The following TRPC6 variants were observed in gnomAD, a reference collection of about 807,000 sequenced individuals.
TRPC6 encodes transient receptor potential cation channel subfamily C member 6.
In TRPC6, 55 loss-of-function variants were observed where a neutral mutation model predicts 90.7. That is an observed-to-expected ratio of 0.61 (90% CI 0.49 to 0.76). The LOEUF (loss-of-function observed/expected upper bound fraction) is 0.76. TRPC6 is among the 30% of genes least tolerant of loss of function. The probability of loss-of-function intolerance (pLI) is 0.00; values close to 1 mark genes in which losing one functional copy is unlikely to be tolerated. For synonymous variants in TRPC6, 393 were observed against 393.0 expected, an observed-to-expected ratio of 1.00 and a Z score of 0.00; for missense variants, 989 against 1,122.7, an observed-to-expected ratio of 0.88 and a Z score of 1.70.
chr11:101,539,646 A>C (rs572496143), intron 1 of TRPC6, among the ~76,000 whole-genome samples: 24 of 152,346 alleles, frequency 1.6e-4, no homozygotes, highest in Middle Eastern at 3.4e-3. Flanking sequence ...TGCTTCTTTT[A>C]CCATCATCAG....
intron 1 of TRPC6, among the ~76,000 whole-genome samples, chr11:101,554,115 A>G (rs948377417): frequency 1.3e-5 from 2 of 152,154 alleles, no homozygotes; most frequent in African/African-American, 4.8e-5. Context: ...GTCAGATGCA[A>G]AATGGTTCTA....
At chr11:101,471,483 T>TAAAC in intron 8 of TRPC6, 97 bp from the exon 9 acceptor site, 1 of 1,278,556 alleles carries the variant, frequency 7.8e-7, no homozygotes, top group Non-Finnish European at 1.1e-6. Flanking sequence ...ACAATGCCTA[T>TAAAC]AAACACTCTC....
intron 10 of TRPC6, chr11:101,455,310 G>A (rs1858858697): frequency 7.8e-6 from 4 of 509,600 alleles, no homozygotes; most frequent in Non-Finnish European, 1.4e-5. Context: ...TTTGTTAGAG[G>A]TTGTCTGAGG....
chr11:101,551,278 T>G (rs1184202190), intron 1 of TRPC6, among the ~76,000 whole-genome samples: 1 of 152,026 alleles, frequency 6.6e-6, no homozygotes, highest in Non-Finnish European at 1.5e-5. Context: ...AAATGAATAT[T>G]ATGAACTGGC....
In TRPC6 at chr11:101,476,663, G is replaced by A. The variant is rs548613446; in HGVS notation, c.1511-129C>T. ...CTTCAAAATTTGGTCCCAACCTGCC[G>A]TCCCACCATAATTCCCATATCCTCA... On this transcript the variant is annotated intron_variant, in intron 5 of 12. Coordinates refer to ENST00000344327, the MANE Select transcript of TRPC6 (RefSeq NM_004621.6). 5.4e-5 allele frequency: 42 copies of A among 772,848 alleles called. No homozygotes were observed. The Middle Eastern group carries it at 6.7e-4, about 12-fold the overall frequency. 47.9% of individuals were successfully genotyped at this position (772,848 alleles called of 1,614,324 possible). A position where few individuals can be genotyped will look rare whatever the true frequency, so the allele number is the denominator to read the frequency against.
intron 1 of TRPC6, among the ~76,000 whole-genome samples, chr11:101,578,897 T>C (rs747208944): frequency 3.9e-5 from 6 of 152,102 alleles, no homozygotes; most frequent in Non-Finnish European, 8.8e-5. Flanking sequence ...CTCATTCAAA[T>C]CTCTGTTTTC....
chr11:101,456,884 T>C (rs1858896037), intron 10 of TRPC6, among the ~76,000 whole-genome samples: 1 of 152,090 alleles, frequency 6.6e-6, no homozygotes, highest in Non-Finnish European at 1.5e-5. Flanking sequence ...CAGAAAAAAA[T>C]TCTAGTCAGT....
intron 1 of TRPC6, among the ~76,000 whole-genome samples, chr11:101,559,825 C>A (rs999464548): frequency 2.8e-5 from 4 of 144,798 alleles, no homozygotes; most frequent in Non-Finnish European, 6.0e-5. Context: ...TGATGTTCCC[C>A]TTCCTGTGTC....
chr11:101,528,399 C>T (rs561523052), intron 1 of TRPC6, among the ~76,000 whole-genome samples: 9 of 152,202 alleles, frequency 5.9e-5, no homozygotes, highest in African/African-American at 2.2e-4. Context: ...CATTGCAAAC[C>T]TCATTGGCAC....
intron 1 of TRPC6, among the ~76,000 whole-genome samples, chr11:101,559,187 T>C (rs1861655613): frequency 6.6e-6 from 1 of 152,028 alleles, no homozygotes; most frequent in Non-Finnish European, 1.5e-5. Flanking sequence ...AGATAATAAA[T>C]GAGCAAGAGA....
chr11:101,519,323 G>A (rs993632470), intron 1 of TRPC6, among the ~76,000 whole-genome samples: 4 of 136,312 alleles, frequency 2.9e-5, no homozygotes, highest in Non-Finnish European at 6.4e-5. Flanking sequence ...ATACACCTAT[G>A]TACCCACAAA....
At chr11:101,454,155 C>T (rs1273955808) in intron 11 of TRPC6, among the ~76,000 whole-genome samples, 1 of 152,126 alleles carries the variant, frequency 6.6e-6, no homozygotes, top group Non-Finnish European at 1.5e-5. Context: ...TTATTTTAAA[C>T]TTTCTATTAA....
At chr11:101,496,798 C>T (rs1859960947) in intron 2 of TRPC6, among the ~76,000 whole-genome samples, 1 of 152,192 alleles carries the variant, frequency 6.6e-6, no homozygotes, top group Non-Finnish European at 1.5e-5. Context: ...TAACTGTTGA[C>T]TTGTCATAGA....
intron 12 of TRPC6, among the ~76,000 whole-genome samples, 189 bp downstream of exon 12, chr11:101,453,461 G>A (rs1453938443): frequency 6.6e-6 from 1 of 152,044 alleles, no homozygotes; most frequent in Non-Finnish European, 1.5e-5. Flanking sequence ...AGTGGCACCT[G>A]TCCCCGCCTG....
At chr11:101,557,544 A>C (rs1861587196) in intron 1 of TRPC6, among the ~76,000 whole-genome samples, 1 of 152,158 alleles carries the variant, frequency 6.6e-6, no homozygotes. Flanking sequence ...AAGGCATCCA[A>C]ATTAGAAAGG....
intron 1 of TRPC6, among the ~76,000 whole-genome samples, chr11:101,505,868 T>C (rs559042005): frequency 6.6e-6 from 1 of 151,994 alleles, no homozygotes; most frequent in Admixed American, 6.6e-5. Flanking sequence ...GAAAAATTAG[T>C]GGTGCATGGT....
chr11:101,481,539 G>A (rs1036754115), intron 5 of TRPC6, among the ~76,000 whole-genome samples: 20 of 152,052 alleles, frequency 1.3e-4, no homozygotes, highest in African/African-American at 4.8e-4. Context: ...TCCCAGGCAT[G>A]ATCTCCCTTC....
At chr11:101,561,642 A>G (rs2136866997) in intron 1 of TRPC6, among the ~76,000 whole-genome samples, 1 of 152,130 alleles carries the variant, frequency 6.6e-6, no homozygotes, top group East Asian at 1.9e-4. Context: ...CAAAAGCCTT[A>G]TTCCTCTCTC....
intron 1 of TRPC6, among the ~76,000 whole-genome samples, chr11:101,515,764 A>C (rs1860502986): frequency 6.6e-6 from 1 of 152,212 alleles, no homozygotes; most frequent in Admixed American, 6.5e-5. Flanking sequence ...TTTGATTTTG[A>C]GTATACTAAT....
Sources: allele counts gnomAD v4.1 joint callset (sites outside exome capture counted in the v4.1 genomes callset), GRCh38; gene constraint gnomAD v4.1.1; transcripts MANE v1.5; gene names NCBI Gene and HGNC (gene_info 2026-07-23, HGNC 2026-07-21).